The following TNRC6B variants were observed in gnomAD, a reference collection of about 807,000 sequenced individuals.
TNRC6B encodes the protein trinucleotide repeat containing adaptor 6B, also known as trinucleotide repeat-containing gene 6B protein.
TNRC6B carries 52 observed loss-of-function variants against 203.6 expected under a neutral mutation model. The observed-to-expected ratio is 0.26, with a 90% confidence interval of 0.20 to 0.32. TNRC6B has a LOEUF of 0.32. Ranked by LOEUF, TNRC6B falls within the 10% of genes least tolerant of loss-of-function variation. The probability of loss-of-function intolerance (pLI) is 1.00; values close to 1 mark genes in which losing one functional copy is unlikely to be tolerated. For missense variants in TNRC6B, 1,923 were observed against 2,286.2 expected (o/e 0.84, Z 3.24); for synonymous variants, 838 against 845.7 (o/e 0.99, Z 0.16).
Position 40,156,042 on chromosome 22 carries a change from C to T in TNRC6B, c.46-73C>T, listed in dbSNP as rs901496476. The T allele has an allele frequency of 5.8e-6, 8 of 1,373,562 alleles. No homozygotes were observed. In the African/African-American group the frequency reaches 7.2e-5, roughly 12 times the overall value. 85.1% of individuals were successfully genotyped at this position (1,373,562 alleles called of 1,614,324 possible). ...AACGGCCCTGTGGTTCTGCACAGGG[C>T]AGGTGTGGGTTCTTGGAGTGAGTCG... On this transcript the variant is annotated intron_variant, in intron 3 of 23. Coordinates refer to the TNRC6B transcript ENST00000301923.
chr22:40,176,952 C>T (rs191889490), upstream of TNRC6B, among the ~76,000 whole-genome samples: 7 of 152,226 alleles, frequency 4.6e-5, no homozygotes, highest in East Asian at 1.4e-3. Context: ...CCAATCTCCG[C>T]CGGCTACCAA....
intron 1 of TNRC6B, among the ~76,000 whole-genome samples, chr22:40,083,020 T>TATGA (rs2068073524): frequency 6.6e-6 from 1 of 152,176 alleles, no homozygotes; most frequent in Non-Finnish European, 1.5e-5. Context: ...CAGATATAAA[T>TATGA]ATGAAGGTTT....
intron 1 of TNRC6B, among the ~76,000 whole-genome samples, chr22:40,196,012 C>T (rs1227633853): frequency 8.6e-5 from 13 of 151,704 alleles, no homozygotes; most frequent in African/African-American, 2.7e-4. Flanking sequence ...CTCCTGACCT[C>T]GTGATCCGTC....
At position 40,321,137 on chromosome 22, in the gene TNRC6B, G is replaced by C; in HGVS notation, c.5022G>C (p.Leu1674=). ...CGATCTGCATGCAGCATGGCCCACTGCTGACATTCCATCTGAATCTAACCC... is the reference window on the plus strand; with the variant it reads ...CGATCTGCATGCAGCATGGCCCACTCCTGACATTCCATCTGAATCTAACCC... The part of the protein sequence containing the change: ...LRTICMQHGP[L]LTFHLNLTQG... The change falls in exon 22 of 23, where the codon CTG becomes CTC. Residue 1674 remains leucine, a synonymous_variant. Coordinates refer to ENST00000454349, the MANE Select transcript of TNRC6B (RefSeq NM_001162501.2). 1 of 1,613,954 alleles carries C rather than the reference G, an allele frequency of 6.2e-7. No homozygotes were observed. The highest frequency in any genetic ancestry group is 8.5e-7 in the Non-Finnish European group (1 of 1,179,892).
intron 3 of TNRC6B, among the ~76,000 whole-genome samples, chr22:40,255,057 C>G (rs908159662): frequency 1.3e-5 from 2 of 152,192 alleles, no homozygotes. Flanking sequence ...GTTTAAACAC[C>G]TGGGTTCGTT....
At chr22:40,279,852 GTT>G in intron 9 of TNRC6B, 141 bp from the exon 10 acceptor site, 1 of 627,926 alleles carries the variant, frequency 1.6e-6, no homozygotes, top group South Asian at 3.1e-5. Context: ...ACCAATGAGA[GTT>G]TGTCTCGTCT....
chr22:40,080,987 G>A (rs915883231), intron 1 of TNRC6B, among the ~76,000 whole-genome samples: 7 of 152,038 alleles, frequency 4.6e-5, no homozygotes, highest in Non-Finnish European at 1.0e-4. Flanking sequence ...CTCCCAAGTA[G>A]CTGGAATTAC....
chr22:40,204,255 C>G (rs975443396), intron 1 of TNRC6B, among the ~76,000 whole-genome samples: 7 of 152,188 alleles, frequency 4.6e-5, no homozygotes, highest in Non-Finnish European at 8.8e-5. Context: ...AGGTATAGGG[C>G]AGGAACTTTT....
At chr22:40,231,320 A>G (rs1052371517) in intron 1 of TNRC6B, among the ~76,000 whole-genome samples, 7 of 152,174 alleles carry the variant, frequency 4.6e-5, no homozygotes, top group African/African-American at 1.7e-4. Context: ...GATTTCGTTG[A>G]ATCTAAATTA....
intron 21 of TNRC6B, among the ~76,000 whole-genome samples, chr22:40,318,838 A>G (rs561853249): frequency 6.6e-6 from 1 of 152,246 alleles, no homozygotes; most frequent in East Asian, 1.9e-4. Context: ...TGGGAGGCTG[A>G]GGCAGGTGGA....
intron 4 of TNRC6B, among the ~76,000 whole-genome samples, chr22:40,165,215 C>T (rs1044551035): frequency 1.3e-5 from 2 of 151,592 alleles, no homozygotes; most frequent in Non-Finnish European, 2.9e-5. Flanking sequence ...CTCTCGCTGT[C>T]ACCCAGGTTG....
intron 1 of TNRC6B, among the ~76,000 whole-genome samples, chr22:40,213,324 T>G (rs1336452999): frequency 6.6e-6 from 1 of 152,158 alleles, no homozygotes. Context: ...TCAGGGAGGC[T>G]TTCCCAGAGG....
At position 40,178,033 on chromosome 22, in the gene TNRC6B, A is replaced by C. The variant is rs2069084244; in HGVS notation, c.-103A>C. On this transcript the variant is annotated 5_prime_UTR_variant, in exon 1 of 23. Transcript: ENST00000454349. Reference sequence around the variant, plus strand: ...GCTGGTTTCTGAATATTTAAAATACAAAAAAACAGATAGACAAAAAGAATT... The same window carrying C: ...GCTGGTTTCTGAATATTTAAAATACCAAAAAACAGATAGACAAAAAGAATT... 3 of 1,575,538 alleles carry C rather than the reference A, an allele frequency of 1.9e-6. No homozygotes were observed. The highest frequency in any genetic ancestry group is 2.6e-6 in the Non-Finnish European group (3 of 1,166,940).
chr22:40,176,864 A>C (rs560259564), upstream of TNRC6B, among the ~76,000 whole-genome samples: 128 of 152,280 alleles, frequency 8.4e-4, no homozygotes, highest in African/African-American at 2.6e-3. Context: ...GGCCAGGAAA[A>C]GATGAACAGA....
At chr22:40,074,575 G>A (rs748858203) in intron 1 of TNRC6B, among the ~76,000 whole-genome samples, 2 of 152,058 alleles carry the variant, frequency 1.3e-5, no homozygotes, top group Non-Finnish European at 2.9e-5. Flanking sequence ...TCAGGAGATC[G>A]AGACCATCCT....
chr22:40,106,808 T>A, intron 1 of TNRC6B: 2 of 1,103,078 alleles, frequency 1.8e-6, no homozygotes, highest in South Asian at 2.5e-5. Flanking sequence ...CAATTTGGGT[T>A]CTGCAGGTAC....
At chr22:40,241,994 A>G (rs544625003) in intron 1 of TNRC6B, among the ~76,000 whole-genome samples, 1 of 152,274 alleles carries the variant, frequency 6.6e-6, no homozygotes, top group East Asian at 1.9e-4. Flanking sequence ...CTTCTTGGCA[A>G]ATGTACATTC....
At chr22:40,151,546 A>AAAAGG (rs1568999352) in intron 3 of TNRC6B, among the ~76,000 whole-genome samples, 4 of 63,186 alleles carry the variant, frequency 6.3e-5, no homozygotes, top group African/African-American at 1.8e-4. Flanking sequence ...TCAAAAAAAA[A>AAAAGG]AAAAAAGAAA....
At chr22:40,277,041 T>C in intron 7 of TNRC6B, 36 bp from the exon 8 acceptor site, 2 of 1,520,034 alleles carry the variant, frequency 1.3e-6, no homozygotes, top group Non-Finnish European at 1.8e-6. Flanking sequence ...TGAAATAAAT[T>C]ATTTGGTTCT....
Sources: allele counts gnomAD v4.1 joint callset (sites outside exome capture counted in the v4.1 genomes callset), GRCh38; gene constraint gnomAD v4.1.1; transcripts MANE v1.5; gene names NCBI Gene and HGNC (gene_info 2026-07-23, HGNC 2026-07-21).